PLEKHM3: variants seen among roughly 807,000 people sequenced by gnomAD.
PLEKHM3 encodes the protein pleckstrin homology domain containing M3.
PLEKHM3 carries 45 observed loss-of-function variants against 81.8 expected under a neutral mutation model. That is an observed-to-expected ratio of 0.55 (90% CI 0.43 to 0.71). The LOEUF (loss-of-function observed/expected upper bound fraction) is 0.71. Among genes scored for constraint, PLEKHM3 ranks in the 30% least tolerant of loss-of-function variants. The pLI, the probability that PLEKHM3 is intolerant of heterozygous loss-of-function variation, is 0.00. For missense variants in PLEKHM3, 788 were observed against 924.3 expected, an observed-to-expected ratio of 0.85 and a Z score of 1.91; for synonymous variants, 352 against 356.4, an observed-to-expected ratio of 0.99 and a Z score of 0.14.
intron 6 of PLEKHM3, among the ~76,000 whole-genome samples, chr2:207,865,190 G>C (rs1266234554): frequency 2.6e-5 from 4 of 152,106 alleles, no homozygotes; most frequent in Admixed American, 2.6e-4. Context: ...GGAACTTATG[G>C]AGTTTATAGT....
intron 6 of PLEKHM3, among the ~76,000 whole-genome samples, chr2:207,878,278 G>C (rs2092569305): frequency 6.6e-6 from 1 of 151,256 alleles, no homozygotes; most frequent in Non-Finnish European, 1.5e-5. Context: ...AAAGCACTTA[G>C]AACACTGGAA....
intron 6 of PLEKHM3, among the ~76,000 whole-genome samples, chr2:207,898,552 G>A (rs139106162): frequency 2.5e-4 from 38 of 152,258 alleles, no homozygotes; most frequent in African/African-American, 8.9e-4. Flanking sequence ...CCAGGAGTTC[G>A]AGATCAGCCC....
At chr2:207,876,080 C>A (rs1012311962) in intron 6 of PLEKHM3, among the ~76,000 whole-genome samples, 2 of 152,092 alleles carry the variant, frequency 1.3e-5, no homozygotes, top group Non-Finnish European at 2.9e-5. Context: ...GTACAATTGT[C>A]TGGAAGGACA....
intron 3 of PLEKHM3, among the ~76,000 whole-genome samples, chr2:207,961,906 A>G (rs934792297): frequency 6.6e-6 from 1 of 152,218 alleles, no homozygotes; most frequent in Non-Finnish European, 1.5e-5. Flanking sequence ...AATTACACAC[A>G]TCATTCATCC....
In PLEKHM3 at chr2:207,848,520, T is replaced by A. The variant is rs528279538; in HGVS notation, c.2108+12585A>T. Among the ~76,000 whole-genome samples the A allele has an allele frequency of 3.3e-5, 5 of 152,350 alleles. No homozygotes were observed. In the South Asian group the frequency reaches 1.0e-3, roughly 32 times the overall value. On this transcript the variant is annotated intron_variant, in intron 7 of 7. Coordinates refer to ENST00000427836, the MANE Select transcript of PLEKHM3 (RefSeq NM_001080475.3). ...CTTGATGGACTGATTGTTCAAGCTG[T>A]GCTGAGAACAATTAGGCATCTCAGC... is the stretch of plus-strand genomic sequence containing the variant.
intron 5 of PLEKHM3, among the ~76,000 whole-genome samples, chr2:207,918,451 G>A (rs1180080999): frequency 6.6e-6 from 1 of 152,198 alleles, no homozygotes; most frequent in Non-Finnish European, 1.5e-5. Flanking sequence ...GAACCTGGGA[G>A]GCGGAGCTTG....
At chr2:207,989,098 G>C (rs1211748514) in intron 2 of PLEKHM3, among the ~76,000 whole-genome samples, 1 of 152,212 alleles carries the variant, frequency 6.6e-6, no homozygotes, top group Non-Finnish European at 1.5e-5. Flanking sequence ...CCTGAGAACA[G>C]GAACCTTGAT....
intron 3 of PLEKHM3, among the ~76,000 whole-genome samples, chr2:207,956,717 A>ATTTTTTT (rs1690523988): frequency 3.9e-5 from 3 of 77,614 alleles, no homozygotes; most frequent in Non-Finnish European, 8.5e-5. Flanking sequence ...GGCTGATTAA[A>ATTTTTTT]ATTTTTTTTT....
At chr2:207,883,844 C>A (rs891240096) in intron 6 of PLEKHM3, among the ~76,000 whole-genome samples, 2 of 152,070 alleles carry the variant, frequency 1.3e-5, no homozygotes, top group African/African-American at 4.8e-5. Flanking sequence ...AAGAATTATA[C>A]ACTATGACCA....
intron 6 of PLEKHM3, among the ~76,000 whole-genome samples, chr2:207,885,702 C>G (rs920294738): frequency 1.3e-5 from 2 of 152,154 alleles, no homozygotes; most frequent in Non-Finnish European, 2.9e-5. Context: ...TTAGTAAGTA[C>G]TGTGTAAGTA....
intron 6 of PLEKHM3, among the ~76,000 whole-genome samples, chr2:207,880,876 T>TC (rs397791847): frequency 1.3e-5 from 2 of 149,784 alleles, no homozygotes; most frequent in African/African-American, 4.9e-5. Flanking sequence ...TCTTTTTTTT[T>TC]ACCTCTAAAA....
At chr2:207,899,845 G>A (rs148436108) in intron 6 of PLEKHM3, among the ~76,000 whole-genome samples, 2 of 152,244 alleles carry the variant, frequency 1.3e-5, no homozygotes, top group Non-Finnish European at 2.9e-5. Flanking sequence ...GTGGTTTAAG[G>A]TTACCATGGC....
intron 6 of PLEKHM3, among the ~76,000 whole-genome samples, chr2:207,898,971 C>T (rs1431102894): frequency 6.6e-6 from 1 of 152,110 alleles, no homozygotes; most frequent in Non-Finnish European, 1.5e-5. Context: ...AGGCTTTAGC[C>T]GGAAGTTCAA....
intron 6 of PLEKHM3, chr2:207,901,429 T>G (rs771287686): frequency 1.5e-6 from 1 of 686,540 alleles, no homozygotes; most frequent in African/African-American, 1.8e-5. Context: ...CTAGTAGTTA[T>G]GCTCAGCAGG....
At chr2:207,958,451 T>C (rs1187006097) in intron 3 of PLEKHM3, among the ~76,000 whole-genome samples, 1 of 152,206 alleles carries the variant, frequency 6.6e-6, no homozygotes, top group Non-Finnish European at 1.5e-5. Flanking sequence ...GACCTCCCTC[T>C]TTCTCTATCA....
At chr2:207,977,894 C>G (rs147260773) in intron 2 of PLEKHM3, among the ~76,000 whole-genome samples, 4,535 of 152,116 alleles carry the variant, frequency 0.03, 210 homozygotes, top group African/African-American at 0.1. Context: ...CAAGACCAAC[C>G]TAGGCAACAT....
intron 5 of PLEKHM3, among the ~76,000 whole-genome samples, chr2:207,915,497 C>T (rs550736950): frequency 7.2e-5 from 11 of 152,256 alleles, no homozygotes; most frequent in African/African-American, 2.6e-4. Flanking sequence ...CTAAAGTAGG[C>T]AGACCCTTTG....
At chr2:207,868,066 G>T (rs555526389) in intron 6 of PLEKHM3, among the ~76,000 whole-genome samples, 65 of 152,274 alleles carry the variant, frequency 4.3e-4, no homozygotes, top group Middle Eastern at 3.4e-3. Context: ...TCAGACATTT[G>T]AACTCTGCTA....
rs558304327 is a variant in PLEKHM3 at position 207,970,764 on chromosome 2, G to A, written c.1546+5887C>T. 5.9e-5 allele frequency among the ~76,000 whole-genome samples: 9 copies of A among 152,208 alleles called. No homozygotes were observed. In the East Asian group the frequency reaches 1.5e-3, roughly 26 times the overall value. The stretch of plus-strand genomic sequence containing the variant: ...TGCCATTCAGAGAAGACACAATGCC[G>A]GTAATTACAGGAATTTGCACTAAAT... On this transcript the variant is annotated intron_variant, in intron 3 of 7. Coordinates refer to ENST00000427836, the MANE Select transcript of PLEKHM3 (RefSeq NM_001080475.3).
Sources: allele counts gnomAD v4.1 joint callset (sites outside exome capture counted in the v4.1 genomes callset), GRCh38; gene constraint gnomAD v4.1.1; transcripts MANE v1.5; gene names NCBI Gene and HGNC (gene_info 2026-07-23, HGNC 2026-07-21).